TNFRSF10B: variants seen among roughly 807,000 people sequenced by gnomAD.
TNFRSF10B encodes the protein TNF receptor superfamily member 10b, also known as tumor necrosis factor receptor superfamily member 10B.
TNFRSF10B carries 35 observed loss-of-function variants against 41.4 expected under a neutral mutation model. The ratio of observed to expected loss-of-function variants is 0.85; its 90% CI spans 0.65 to 1.12. The LOEUF (loss-of-function observed/expected upper bound fraction) is 1.12. TNFRSF10B is among the 50% of genes most tolerant of loss of function. The pLI is 0.00. For missense variants in TNFRSF10B, 584 were observed against 552.7 expected (o/e 1.06, Z -0.57); for synonymous variants, 230 against 215.5 (o/e 1.07, Z -0.59).
At chr8:23,044,727 GAAGAA>G (rs1262183251) in intron 1 of TNFRSF10B, among the ~76,000 whole-genome samples, 1 of 151,582 alleles carries the variant, frequency 6.6e-6, no homozygotes, top group African/African-American at 2.4e-5. Context: ...CAAGGAAATA[GAAGAA>G]AAGATACACT....
intron 2 of TNFRSF10B, among the ~76,000 whole-genome samples, chr8:23,033,010 T>C (rs1811923624): frequency 1.3e-5 from 2 of 152,178 alleles, no homozygotes; most frequent in African/African-American, 2.4e-5. Context: ...ATAAGGTTAT[T>C]AGCTAATTTC....
In TNFRSF10B at chr8:23,043,133, C is replaced by T. The variant is rs768719126; in HGVS notation, c.250+5G>A. On this transcript the variant is annotated splice_donor_5th_base_variant and intron_variant, in intron 2 of 8. Transcript: ENST00000276431. Reference sequence around the variant, plus strand: ...GCAAGGATTAGAGACCCATCTTGAACATACCAGGTGGACACAATCCCTCTG... The same window carrying T: ...GCAAGGATTAGAGACCCATCTTGAATATACCAGGTGGACACAATCCCTCTG... The T allele has an allele frequency of 1.2e-6, 2 of 1,613,742 alleles. No homozygotes were observed. The highest frequency in any genetic ancestry group is 1.7e-4 in the Middle Eastern group (1 of 6,060).
chr8:23,050,103 C>G (rs1812483490), intron 1 of TNFRSF10B, among the ~76,000 whole-genome samples: 1 of 152,242 alleles, frequency 6.6e-6, no homozygotes, highest in African/African-American at 2.4e-5. Context: ...TCAATGGGAT[C>G]TTAGGCCAGG....
chr8:23,022,330 T>C lies in TNFRSF10B; in HGVS notation c.*341A>G. 1 of 469,236 alleles carries C rather than the reference T, an allele frequency of 2.1e-6. No homozygotes were observed. Among genetic ancestry groups the C allele is most frequent in the South Asian group, 1.5e-5 (1 of 64,612 alleles). The allele number at this position is 469,236 out of a possible 1,614,324, so 29.1% of individuals were successfully genotyped here. On this transcript the variant is annotated 3_prime_UTR_variant, in exon 9 of 9. Transcript: ENST00000276431. Reference sequence around the variant, plus strand: ...CGGACAACGACTGTGTAGATGGATCTTACAATGTAGCCCAAATAAATAAAT... The same window carrying C: ...CGGACAACGACTGTGTAGATGGATCCTACAATGTAGCCCAAATAAATAAAT...
rs140589234 is a variant in TNFRSF10B, at chr8:23,027,250, A to G, written c.819T>C (p.Asn273=). 3.5e-4 allele frequency: 561 copies of G among 1,612,188 alleles called. No individual in the cohort carries two copies. The African/African-American group carries it at 7.0e-3, about 20-fold the overall frequency. ...TGGGCTGCAAGATACTCACGATCTC[A>G]TTGAGGACATTGTCCTCAGCCCCAG... is the stretch of plus-strand genomic sequence containing the variant. ...QRPGAEDNVL[N]EIVSILQPTQ... The change falls in exon 7 of 9, where the codon AAT becomes AAC. Residue 273 remains asparagine, a synonymous_variant. Transcript: ENST00000276431.
chr8:23,056,062 TAGC>T (rs999951952), intron 1 of TNFRSF10B, among the ~76,000 whole-genome samples: 19 of 152,150 alleles, frequency 1.2e-4, no homozygotes, highest in African/African-American at 4.3e-4. Flanking sequence ...TGGCAAGAAA[TAGC>T]AGCCCGACCC....
At chr8:23,047,449 C>T (rs1345832139) in intron 1 of TNFRSF10B, among the ~76,000 whole-genome samples, 1 of 150,674 alleles carries the variant, frequency 6.6e-6, no homozygotes, top group Non-Finnish European at 1.5e-5. Context: ...GCATACCATA[C>T]ATCTGATAAG....
At chr8:23,056,088 A>G in intron 1 of TNFRSF10B, among the ~76,000 whole-genome samples, 1 of 152,198 alleles carries the variant, frequency 6.6e-6, no homozygotes, top group East Asian at 1.9e-4. Flanking sequence ...AGTTTGGTCC[A>G]GGAACAGTAT....
At chr8:23,038,439 A>G (rs924193771) in intron 2 of TNFRSF10B, among the ~76,000 whole-genome samples, 9 of 152,256 alleles carry the variant, frequency 5.9e-5, no homozygotes, top group Admixed American at 5.2e-4. Flanking sequence ...GACTGTAATC[A>G]TTATAAGTAT....
chr8:23,048,437 C>CAAAAA (rs34985507), intron 1 of TNFRSF10B, among the ~76,000 whole-genome samples: 36 of 93,704 alleles, frequency 3.8e-4, no homozygotes, highest in African/African-American at 1.2e-3. Context: ...ATTTTTGTGT[C>CAAAAA]AAAAAAAAAA....
intron 2 of TNFRSF10B, among the ~76,000 whole-genome samples, chr8:23,031,576 G>C (rs1040988080): frequency 6.6e-6 from 1 of 150,592 alleles, no homozygotes; most frequent in African/African-American, 2.4e-5. Flanking sequence ...CTTTTTTTTT[G>C]TAGAGACGAG....
At chr8:23,042,419 G>C (rs1350231688) in intron 2 of TNFRSF10B, among the ~76,000 whole-genome samples, 1 of 152,224 alleles carries the variant, frequency 6.6e-6, no homozygotes, top group Non-Finnish European at 1.5e-5. Flanking sequence ...GGGGAAAAGG[G>C]GGAAGAAGTG....
intron 8 of TNFRSF10B, 144 bp downstream of exon 8, chr8:23,024,043 TA>T: frequency 1.0e-6 from 1 of 955,444 alleles, no homozygotes; most frequent in East Asian, 2.4e-5. Flanking sequence ...GAAGACAGTT[TA>T]GGGTCCAGAT....
At chr8:23,035,886 C>G (rs989322852) in intron 2 of TNFRSF10B, among the ~76,000 whole-genome samples, 2 of 152,074 alleles carry the variant, frequency 1.3e-5, no homozygotes, top group African/African-American at 4.8e-5. Context: ...GAGTGGTGCT[C>G]AGAACAAGAA....
rs568662061 is a variant in TNFRSF10B at position 23,025,874 on chromosome 8, G to A, written c.936+1259C>T. Among the ~76,000 whole-genome samples the A allele has an allele frequency of 4.7e-4, 71 of 152,264 alleles. 1 individual carries two copies. The South Asian group carries it at 9.5e-3, about 20-fold the overall frequency. On this transcript the variant is annotated intron_variant, in intron 7 of 8. Transcript: ENST00000276431. ...GTGGATTGCCTGAGTTCAGGAGTTC[G>A]AGACCAGCCTAGGCAACATGACCAA... is the stretch of plus-strand genomic sequence containing the variant.
intron 1 of TNFRSF10B, among the ~76,000 whole-genome samples, chr8:23,051,690 G>A (rs1263119919): frequency 1.3e-5 from 2 of 152,004 alleles, no homozygotes; most frequent in African/African-American, 4.8e-5. Context: ...GACTACAGTC[G>A]CCCGCCACCG....
intron 2 of TNFRSF10B, 61 bp from the exon 3 acceptor site, chr8:23,030,933 G>A: frequency 1.7e-6 from 2 of 1,183,612 alleles, no homozygotes; most frequent in Non-Finnish European, 2.5e-6. Context: ...AGCTGGCAGT[G>A]GTGGCTGGGG....
chr8:23,056,097 A>G (rs1002401774), intron 1 of TNFRSF10B, among the ~76,000 whole-genome samples: 8 of 152,166 alleles, frequency 5.3e-5, no homozygotes, highest in Non-Finnish European at 1.0e-4. Context: ...CAGGAACAGT[A>G]TGGTTGTTCC....
At chr8:23,051,106 T>A (rs1367183659) in intron 1 of TNFRSF10B, among the ~76,000 whole-genome samples, 1 of 152,156 alleles carries the variant, frequency 6.6e-6, no homozygotes, top group Non-Finnish European at 1.5e-5. Context: ...TGTACTTCTA[T>A]TGGCATGCAT....
Sources: gnomAD v4.1 joint callset for allele counts (sites outside exome capture counted in the v4.1 genomes callset) on GRCh38, gnomAD v4.1.1 for gene constraint, MANE v1.5 for transcripts, NCBI Gene and HGNC (gene_info 2026-07-23, HGNC 2026-07-21) for gene names.